Variants in ADGRB3 observed in about 807,000 individuals in gnomAD.
ADGRB3 encodes the protein brain-specific angiogenesis inhibitor 3.
ADGRB3 carries 37 observed loss-of-function variants against 193.4 expected under a neutral mutation model. The observed-to-expected ratio is 0.19, with a 90% confidence interval of 0.15 to 0.25. The LOEUF is 0.25. Ranked by LOEUF, ADGRB3 falls within the 10% of genes least tolerant of loss-of-function variation. ADGRB3 has a pLI of 1.00. For missense variants in ADGRB3, 1,637 were observed against 1,852.9 expected (o/e 0.88, Z 2.14); for synonymous variants, 690 against 644.2 (o/e 1.07, Z -1.08).
intron 6 of ADGRB3, among the ~76,000 whole-genome samples, chr6:68,954,968 A>G (rs75697214): frequency 0.093 from 14,198 of 152,214 alleles, 853 homozygotes; most frequent in Non-Finnish European, 0.13. Flanking sequence ...GGCGTGTTCA[A>G]TGGCTTCTTA....
chr6:69,228,894 C>A (rs147761076), intron 17 of ADGRB3, among the ~76,000 whole-genome samples: 1 of 112,246 alleles, frequency 8.9e-6, no homozygotes, highest in African/African-American at 3.3e-5. Context: ...ACTTCACTTT[C>A]TTTATCTATA....
intron 30 of ADGRB3, among the ~76,000 whole-genome samples, chr6:69,375,470 GA>G (rs1443780774): frequency 6.6e-5 from 10 of 151,972 alleles, no homozygotes; most frequent in Non-Finnish European, 5.9e-5. Flanking sequence ...TGAGGGAGCA[GA>G]AAAAAGAAGA....
chr6:69,328,159 C>A (rs920511993), intron 22 of ADGRB3, among the ~76,000 whole-genome samples: 1 of 152,134 alleles, frequency 6.6e-6, no homozygotes, highest in African/African-American at 2.4e-5. Flanking sequence ...ATTTTGCATG[C>A]CCAATCTCAA....
chr6:68,666,371 C>T (rs1475873859), intron 3 of ADGRB3, among the ~76,000 whole-genome samples: 8 of 151,880 alleles, frequency 5.3e-5, no homozygotes, highest in Non-Finnish European at 2.9e-5. Flanking sequence ...TCTCTTCCAC[C>T]ATTAAAGTTG....
chr6:69,367,211 CTGTGTAGCTAA>C (rs1348711447), intron 29 of ADGRB3, among the ~76,000 whole-genome samples: 1 of 152,060 alleles, frequency 6.6e-6, no homozygotes, highest in Non-Finnish European at 1.5e-5. Context: ...ATCACAATAC[CTGTGTAGCTAA>C]TGTTGAACTC....
At chr6:68,753,092 G>A (rs549037913) in intron 3 of ADGRB3, among the ~76,000 whole-genome samples, 1 of 152,300 alleles carries the variant, frequency 6.6e-6, no homozygotes, top group East Asian at 1.9e-4. Context: ...TCAAAAACAA[G>A]AAGAGCTGCT....
chr6:68,796,023 G>A (rs1051271203), intron 3 of ADGRB3, among the ~76,000 whole-genome samples: 1 of 151,952 alleles, frequency 6.6e-6, no homozygotes, highest in African/African-American at 2.4e-5. Flanking sequence ...TGATAACCCT[G>A]TGCTTAAGAA....
chr6:69,189,326 T>C lies in ADGRB3; in HGVS notation c.2481-43964T>C, dbSNP rs373420362. 1.2e-3 allele frequency among the ~76,000 whole-genome samples: 186 copies of C among 152,312 alleles called. 2 individuals carry two copies. In the South Asian group the frequency reaches 0.031, roughly 25 times the overall value. ...ACCTAAGGCTCATTATCAGTTCAAC[T>C]ATATTTTGATGTTTGCATTTATACC... On this transcript the variant is annotated intron_variant, in intron 17 of 31. Coordinates refer to ENST00000370598, the MANE Select transcript of ADGRB3 (RefSeq NM_001704.3).
intron 3 of ADGRB3, among the ~76,000 whole-genome samples, chr6:68,849,801 G>A (rs1444665435): frequency 2.0e-5 from 3 of 151,730 alleles, no homozygotes; most frequent in Non-Finnish European, 4.4e-5. Flanking sequence ...TATAATAGGG[G>A]AACCATAGTA....
chr6:69,097,370 A>G (rs1772912255), intron 17 of ADGRB3, among the ~76,000 whole-genome samples: 1 of 152,220 alleles, frequency 6.6e-6, no homozygotes, highest in African/African-American at 2.4e-5. Context: ...TCTTGGATGA[A>G]TTAATTAACT....
chr6:69,326,358 T>C (rs6912549), intron 21 of ADGRB3, among the ~76,000 whole-genome samples: 5,052 of 152,310 alleles, frequency 0.033, 276 homozygotes, highest in African/African-American at 0.11. Context: ...AGGGACACTT[T>C]TGCCATGAAT....
At chr6:69,282,247 T>C (rs976241984) in intron 20 of ADGRB3, among the ~76,000 whole-genome samples, 3 of 152,092 alleles carry the variant, frequency 2.0e-5, no homozygotes, top group African/African-American at 7.2e-5. Flanking sequence ...CCACCCACCG[T>C]TTTGAAAAGG....
At chr6:68,917,439 T>A (rs933618336) in intron 3 of ADGRB3, among the ~76,000 whole-genome samples, 3 of 152,226 alleles carry the variant, frequency 2.0e-5, no homozygotes. Context: ...ATTTGTAATC[T>A]TTCTTCTACA....
At chr6:68,971,578 T>C (rs900548887) in intron 8 of ADGRB3, among the ~76,000 whole-genome samples, 2 of 151,848 alleles carry the variant, frequency 1.3e-5, no homozygotes, top group Admixed American at 6.6e-5. Flanking sequence ...TACTATACCA[T>C]TTTATATCAG....
At chr6:68,691,106 A>G (rs1765065177) in intron 3 of ADGRB3, among the ~76,000 whole-genome samples, 1 of 152,124 alleles carries the variant, frequency 6.6e-6, no homozygotes, top group African/African-American at 2.4e-5. Context: ...AAAAGTTAAA[A>G]TGCATATAGG....
intron 10 of ADGRB3, among the ~76,000 whole-genome samples, chr6:68,988,983 C>G (rs1276660616): frequency 5.9e-5 from 9 of 152,128 alleles, no homozygotes; most frequent in Admixed American, 5.9e-4. Flanking sequence ...TAAATTGATT[C>G]AGGACCAGTG....
chr6:68,684,829 A>T (rs1221039298), intron 3 of ADGRB3, among the ~76,000 whole-genome samples: 1 of 152,162 alleles, frequency 6.6e-6, no homozygotes, highest in Non-Finnish European at 1.5e-5. Context: ...TCAAATCACC[A>T]TATATTCCTG....
intron 11 of ADGRB3, among the ~76,000 whole-genome samples, chr6:68,996,905 A>G (rs1409970320): frequency 1.3e-5 from 2 of 152,204 alleles, no homozygotes; most frequent in African/African-American, 4.8e-5. Context: ...ATGTATTAAC[A>G]ACAAAAGTAG....
intron 3 of ADGRB3, among the ~76,000 whole-genome samples, chr6:68,886,729 G>T (rs939321643): frequency 4.6e-5 from 7 of 151,960 alleles, no homozygotes; most frequent in African/African-American, 1.4e-4. Flanking sequence ...CATTGTTCAT[G>T]TTTTACCACA....
Sources: allele counts gnomAD v4.1 joint callset (sites outside exome capture counted in the v4.1 genomes callset), GRCh38; gene constraint gnomAD v4.1.1; transcripts MANE v1.5; gene names NCBI Gene and HGNC (gene_info 2026-07-23, HGNC 2026-07-21).